CFAP70: variants seen among roughly 807,000 people sequenced by gnomAD.
CFAP70 encodes the protein cilia and flagella associated protein 70.
CFAP70 carries 81 observed loss-of-function variants against 137.6 expected under a neutral mutation model. The observed-to-expected ratio is 0.59, with a 90% CI of 0.49 to 0.71. The LOEUF is 0.71. CFAP70 is among the 30% of genes least tolerant of loss of function. The pLI is 0.00. For missense variants in CFAP70, 976 were observed against 1,226.7 expected, an observed-to-expected ratio of 0.80 and a Z score of 3.05; for synonymous variants, 382 against 423.6, an observed-to-expected ratio of 0.90 and a Z score of 1.20.
chr10:73,282,184 G>A (rs900018537), intron 19 of CFAP70, among the ~76,000 whole-genome samples: 1 of 152,202 alleles, frequency 6.6e-6, no homozygotes, highest in Non-Finnish European at 1.5e-5. Flanking sequence ...CAGAGAGGAG[G>A]AGCGGAGGGG....
chr10:73,288,391 A>T (rs1250864240), intron 19 of CFAP70, among the ~76,000 whole-genome samples: 1 of 152,184 alleles, frequency 6.6e-6, no homozygotes, highest in African/African-American at 2.4e-5. Context: ...TAGAAATAAT[A>T]ATATAAACAT....
intron 25 of CFAP70, among the ~76,000 whole-genome samples, chr10:73,261,125 CTTT>C (rs200438757): frequency 2.1e-4 from 30 of 141,698 alleles, no homozygotes; most frequent in Admixed American, 7.8e-4. Context: ...CATTGTCTAT[CTTT>C]TTTTTTTTTT....
chr10:73,275,305 A>G lies in CFAP70; in HGVS notation c.2673+141T>C, dbSNP rs1303973458. The G allele has an allele frequency of 6.7e-6, 6 of 893,314 alleles. No homozygotes were observed. Among genetic ancestry groups the G allele is most frequent in the Non-Finnish European group, 9.4e-6 (6 of 638,200 alleles). The allele number at this position is 893,314 out of a possible 1,614,324, so 55.3% of individuals were successfully genotyped here. On this transcript the variant is annotated intron_variant, in intron 22 of 26. Transcript: ENST00000310715. The surrounding 1 kb of genome is among the most constrained non-coding windows in gnomAD (Gnocchi z 4.0). ...ACTCATGATTACTTAAGAAAAGCAA[A>G]TGGAAGGGTATAGAGAGATGAGTTT...
intron 15 of CFAP70, chr10:73,294,375 A>C (rs1226637225): frequency 6.6e-6 from 1 of 152,278 alleles, no homozygotes; most frequent in African/African-American, 2.4e-5. Context: ...TAACCCACTC[A>C]GGCTACTTTC....
chr10:73,362,584 T>C (rs1224764282), upstream of CFAP70, among the ~76,000 whole-genome samples: 2 of 152,204 alleles, frequency 1.3e-5, no homozygotes, highest in African/African-American at 2.4e-5. Context: ...TAGTTCACTA[T>C]TGGCATATAG....
chr10:73,303,440 G>A (rs1312201501), intron 12 of CFAP70, among the ~76,000 whole-genome samples: 2 of 151,624 alleles, frequency 1.3e-5, no homozygotes, highest in African/African-American at 2.4e-5. Flanking sequence ...GGATGGTCTC[G>A]ATCTTTTGAC....
intron 8 of CFAP70, among the ~76,000 whole-genome samples, chr10:73,328,020 C>T (rs773846451): frequency 2.0e-5 from 3 of 152,092 alleles, no homozygotes; most frequent in South Asian, 2.1e-4. Flanking sequence ...AAAAAGAGCT[C>T]GCATCGCCAA....
chr10:73,283,337 A>T (rs531707618), intron 19 of CFAP70, among the ~76,000 whole-genome samples: 2 of 152,178 alleles, frequency 1.3e-5, no homozygotes, highest in African/African-American at 4.8e-5. Flanking sequence ...TATAATATCA[A>T]TTGGATCCCA....
chr10:73,335,566 G>T, intron 6 of CFAP70, 42 bp from the exon 8 acceptor site: 1 of 1,442,102 alleles, frequency 6.9e-7, no homozygotes, highest in Non-Finnish European at 9.7e-7. Context: ...TGTGTGCCAT[G>T]ACTTCATTCT....
At chr10:73,262,408 C>G (rs953298124) in intron 25 of CFAP70, among the ~76,000 whole-genome samples, 1 of 151,960 alleles carries the variant, frequency 6.6e-6, no homozygotes, top group Non-Finnish European at 1.5e-5. Context: ...TTCAAGCCAC[C>G]CTTATTTTAC....
intron 6 of CFAP70, among the ~76,000 whole-genome samples, chr10:73,338,241 C>T (rs971995907): frequency 1.4e-5 from 2 of 146,890 alleles, no homozygotes; most frequent in African/African-American, 5.1e-5. Flanking sequence ...GCCTCCGTGT[C>T]CCGGGTTCAA....
At chr10:73,345,156 A>G (rs757852879) in intron 4 of CFAP70, 1 of 1,614,210 alleles carries the variant, frequency 6.2e-7, no homozygotes, top group Non-Finnish European at 8.5e-7. Flanking sequence ...AGCAGCCTCC[A>G]ACGTGACCTT....
intron 19 of CFAP70, among the ~76,000 whole-genome samples, chr10:73,281,411 A>G (rs1467729607): frequency 6.6e-6 from 1 of 151,164 alleles, no homozygotes; most frequent in African/African-American, 2.4e-5. Context: ...CTGGTCTCAA[A>G]CTCCTGGCCT....
At chr10:73,270,676 C>A (rs1417678002) in intron 24 of CFAP70, among the ~76,000 whole-genome samples, 2 of 150,884 alleles carry the variant, frequency 1.3e-5, no homozygotes, top group Non-Finnish European at 2.9e-5. Context: ...GCTAGAATTA[C>A]AGGTGCCCAC....
At chr10:73,272,789 T>G (rs558675706) in intron 24 of CFAP70, 139 bp downstream of exon 25, 1 of 783,462 alleles carries the variant, frequency 1.3e-6, no homozygotes, top group Admixed American at 2.0e-5. Context: ...CTGAACACCT[T>G]TGAAGAACAA....
chr10:73,332,998 T>C lies in CFAP70; in HGVS notation c.678-1722A>G, dbSNP rs1437085369. 2.0e-5 allele frequency among the ~76,000 whole-genome samples: 3 copies of C among 152,182 alleles called. No homozygotes were observed. The East Asian group carries it at 5.8e-4, about 29-fold the overall frequency. ...ATAGGAAATGTAAAGTAACTATAATTATGTTAAAGACTCTTACAGAAAAAG... is the reference window on the plus strand; with the variant it reads ...ATAGGAAATGTAAAGTAACTATAATCATGTTAAAGACTCTTACAGAAAAAG... On this transcript the variant is annotated intron_variant, in intron 7 of 26. Coordinates refer to ENST00000310715, the Ensembl canonical transcript of CFAP70.
chr10:73,274,586 A>G (rs780336023), exon 23 of CFAP70: 2 of 1,613,076 alleles, frequency 1.2e-6, no homozygotes, highest in Middle Eastern at 3.3e-4. Flanking sequence ...GGCCCCAGAC[A>G]TTGGGGTTCT....
chr10:73,341,852 T>A (rs2053280903), intron 5 of CFAP70, among the ~76,000 whole-genome samples: 1 of 152,244 alleles, frequency 6.6e-6, no homozygotes, highest in Admixed American at 6.5e-5. Flanking sequence ...ACTGATTATT[T>A]CCCTGAAGCT....
At chr10:73,342,979 G>A (rs2053391268) in intron 5 of CFAP70, among the ~76,000 whole-genome samples, 3 of 152,076 alleles carry the variant, frequency 2.0e-5, no homozygotes, top group African/African-American at 4.8e-5. Flanking sequence ...GGGAGGCCGA[G>A]GTGGGCGGAT....
Sources: gnomAD v4.1 joint callset for allele counts (sites outside exome capture counted in the v4.1 genomes callset) on GRCh38, gnomAD v4.1.1 for gene constraint, Gnocchi (gnomAD v3.1) non-coding constraint, MANE v1.5 for transcripts, NCBI Gene and HGNC (gene_info 2026-07-23, HGNC 2026-07-21) for gene names.